Variants in UBA2 observed in about 807,000 individuals in gnomAD.
The protein encoded by UBA2 is ubiquitin like modifier activating enzyme 2, also known as SUMO-activating enzyme subunit 2.
In UBA2, 11 loss-of-function variants were observed where a neutral mutation model predicts 77.2. That is an observed-to-expected ratio of 0.14 (90% CI 0.09 to 0.24). The LOEUF (loss-of-function observed/expected upper bound fraction) is 0.24. Ranked by LOEUF, UBA2 falls within the 10% of genes least tolerant of loss-of-function variation. The pLI, the probability that UBA2 is intolerant of heterozygous loss-of-function variation, is 1.00. For missense variants in UBA2, 487 were observed against 781.7 expected (o/e 0.62, Z 4.50); for synonymous variants, 278 against 276.7 (o/e 1.00, Z -0.05).
chr19:34,456,799 C>G (rs2075567277), intron 12 of UBA2, among the ~76,000 whole-genome samples: 1 of 152,068 alleles, frequency 6.6e-6, no homozygotes, highest in Non-Finnish European at 1.5e-5. Context: ...CTCAGGTGAT[C>G]TGCCCACCTT....
chr19:34,433,873 G>A (rs962185919), intron 4 of UBA2, among the ~76,000 whole-genome samples: 1 of 152,116 alleles, frequency 6.6e-6, no homozygotes. Context: ...TGGGAGAATC[G>A]CTTGAAGCCA....
chr19:34,454,235 G>C lies in UBA2; in HGVS notation c.1039-25G>C, dbSNP rs373134964. 825 of 1,578,834 alleles carry C rather than the reference G, an allele frequency of 5.2e-4. 12 individuals are homozygous for C. The South Asian group carries it at 6.5e-3, about 12-fold the overall frequency. ...AAATAGTCAATTTGTGGAGAAACTT[G>C]TTAAATTGTTTAAATTATTGGCAGG... On this transcript the variant is annotated intron_variant, in intron 10 of 16. Transcript: ENST00000246548.
chr19:34,428,638 G>A, intron 1 of UBA2, 68 bp downstream of exon 1: 1 of 1,248,238 alleles, frequency 8.0e-7, no homozygotes, highest in Non-Finnish European at 1.0e-6. Flanking sequence ...GGGGTTCCGG[G>A]GCTCCAGGGG....
chr19:34,440,078 CT>C (rs1223253111), intron 6 of UBA2, among the ~76,000 whole-genome samples: 2 of 152,062 alleles, frequency 1.3e-5, no homozygotes, highest in African/African-American at 4.8e-5. Flanking sequence ...AATCCCAGCA[CT>C]TTGGGAGGCT....
rs531248842 is a variant in UBA2 at position 34,464,431 on chromosome 19, G to A, written c.1604+300G>A. On this transcript the variant is annotated intron_variant, in intron 15 of 16. Coordinates refer to ENST00000246548, the MANE Select transcript of UBA2 (RefSeq NM_005499.3). ...AAATTAGCCGGGCATAGTGGCAGGC[G>A]CCTGTAGTCCCAGCTACTTGGGAGG... Among the ~76,000 whole-genome samples the A allele has an allele frequency of 6.0e-3, 919 of 152,048 alleles. 6 individuals carry two copies. The highest frequency in any genetic ancestry group is 0.021 in the African/African-American group (869 of 41,446).
chr19:34,445,424 T>G (rs974868754), intron 8 of UBA2, among the ~76,000 whole-genome samples: 1 of 148,854 alleles, frequency 6.7e-6, no homozygotes, highest in African/African-American at 2.5e-5. Context: ...TCCTGCTGCT[T>G]CTCATCTTCA....
intron 1 of UBA2, 152 bp downstream of exon 1, chr19:34,428,722 C>T (rs1568364885): frequency 1.7e-6 from 2 of 1,164,204 alleles, no homozygotes; most frequent in African/African-American, 1.6e-5. Flanking sequence ...CGGGTTGTGC[C>T]CCCCCCGCGG....
intron 12 of UBA2, among the ~76,000 whole-genome samples, chr19:34,456,933 A>G (rs73584620): frequency 0.017 from 2,582 of 151,770 alleles, 82 homozygotes; most frequent in African/African-American, 0.059. Flanking sequence ...TGAGCTCACC[A>G]ACAGTACTAA....
intron 5 of UBA2, among the ~76,000 whole-genome samples, chr19:34,437,964 A>T (rs1019599779): frequency 1.3e-5 from 2 of 152,192 alleles, no homozygotes; most frequent in African/African-American, 2.4e-5. Context: ...CTGAGGCAGG[A>T]GAATTGCTTG....
chr19:34,442,297 A>AAATAAGC (rs1161018719), intron 6 of UBA2, among the ~76,000 whole-genome samples: 1 of 152,228 alleles, frequency 6.6e-6, no homozygotes, highest in African/African-American at 2.4e-5. Context: ...AGGGAAACCT[A>AAATAAGC]AATAAGCAAT....
chr19:34,428,713 G>C, intron 1 of UBA2, 143 bp downstream of exon 1: 1 of 1,176,922 alleles, frequency 8.5e-7, no homozygotes, highest in Non-Finnish European at 1.1e-6. Context: ...TGAGAGGCTC[G>C]GGTTGTGCCC....
intron 9 of UBA2, among the ~76,000 whole-genome samples, chr19:34,450,566 G>T (rs569431215): frequency 1.3e-5 from 2 of 151,890 alleles, no homozygotes; most frequent in African/African-American, 2.4e-5. Context: ...CTGGTGGTCC[G>T]CCCTATGTAC....
chr19:34,462,059 T>G (rs905185084), intron 14 of UBA2, among the ~76,000 whole-genome samples: 2 of 152,156 alleles, frequency 1.3e-5, no homozygotes, highest in Non-Finnish European at 2.9e-5. Flanking sequence ...GTTGGGGTGC[T>G]GAGGGGTTGG....
At chr19:34,457,235 T>G (rs1273100441) in intron 12 of UBA2, among the ~76,000 whole-genome samples, 1 of 135,668 alleles carries the variant, frequency 7.4e-6, no homozygotes, top group African/African-American at 2.8e-5. Context: ...GGCATGGTGG[T>G]GCATGTTTGT....
rs910594891 is a variant in UBA2, at chr19:34,443,844, C to T, written c.582C>T (p.Asn194=). ...AGTATTTACTATTCTTAAATTATAG[C>T]CAGTTGTTTGGGGAAGAAGATGCTG... ...HCIVWAKYLF[N]QLFGEEDADQ... Residue 194 remains asparagine (N), a splice_region_variant and synonymous_variant, in exon 7 of 17, where the codon AAC becomes AAT. Transcript: ENST00000246548. 3.1e-6 allele frequency: 5 copies of T among 1,589,908 alleles called. No individual in the cohort carries two copies. Among genetic ancestry groups the T allele is most frequent in the Non-Finnish European group, 3.5e-6 (4 of 1,158,406 alleles).
In UBA2 at chr19:34,470,661, T is replaced by C. The variant is rs554300683; in HGVS notation, c.*1440T>C. 21 of 152,350 alleles carry C rather than the reference T, an allele frequency of 1.4e-4. No homozygotes were observed. The highest frequency in any genetic ancestry group is 5.1e-4 in the African/African-American group (21 of 41,552). The allele number at this position is 152,350 out of a possible 1,614,324, so 9.4% of individuals were successfully genotyped here. On this transcript the variant is annotated 3_prime_UTR_variant, in exon 17 of 17. Coordinates refer to ENST00000246548, the MANE Select transcript of UBA2 (RefSeq NM_005499.3). ...TCTCAGCCTCCCCTGTAGCTGGGAT[T>C]ACAGGCGCCCTCCACCACGCTCAGC... is the stretch of plus-strand genomic sequence containing the variant.
intron 2 of UBA2, among the ~76,000 whole-genome samples, chr19:34,431,020 A>G (rs1445073617): frequency 6.6e-6 from 1 of 151,936 alleles, no homozygotes; most frequent in African/African-American, 2.4e-5. Flanking sequence ...AGTTCCCCCG[A>G]TCTTTGTTTA....
chr19:34,464,875 C>T (rs1011698228), intron 15 of UBA2, among the ~76,000 whole-genome samples: 3 of 151,806 alleles, frequency 2.0e-5, no homozygotes, highest in Non-Finnish European at 2.9e-5. Flanking sequence ...TTTGGGAGGT[C>T]GAGGCGGGTG....
intron 14 of UBA2, among the ~76,000 whole-genome samples, chr19:34,463,052 G>A (rs1234343182): frequency 1.3e-5 from 2 of 151,536 alleles, no homozygotes; most frequent in East Asian, 3.9e-4. Flanking sequence ...AGCCAAGATG[G>A]TGCCACTGCA....
Sources: allele counts gnomAD v4.1 joint callset (sites outside exome capture counted in the v4.1 genomes callset), GRCh38; gene constraint gnomAD v4.1.1; transcripts MANE v1.5; gene names NCBI Gene and HGNC (gene_info 2026-07-23, HGNC 2026-07-21).